DNA2: variants seen among roughly 807,000 people sequenced by gnomAD.
DNA2 encodes the protein DNA replication helicase/nuclease 2.
DNA2 carries 101 observed loss-of-function variants against 119.1 expected under a neutral mutation model. That is an observed-to-expected ratio of 0.85 (90% CI 0.72 to 1.00). DNA2 has a LOEUF of 1.00. Ranked by LOEUF, DNA2 falls within the 50% of genes least tolerant of loss-of-function variation. The probability of loss-of-function intolerance (pLI) is 0.00; values close to 1 mark genes in which losing one functional copy is unlikely to be tolerated. For synonymous variants in DNA2, 366 were observed against 424.4 expected (o/e 0.86, Z 1.69); for missense variants, 1,121 against 1,255.5 (o/e 0.89, Z 1.62).
intron 5 of DNA2, among the ~76,000 whole-genome samples, chr10:68,453,025 C>T (rs533605235): frequency 6.6e-6 from 1 of 151,706 alleles, no homozygotes; most frequent in Non-Finnish European, 1.5e-5. Context: ...TTCAGGCTCC[C>T]GAGTAGCTGG....
At position 68,416,690 on chromosome 10, in the gene DNA2, T is replaced by C. The variant is rs1180096413; in HGVS notation, c.3114+19A>G. The C allele has an allele frequency of 3.1e-6, 5 of 1,603,330 alleles. No individual in the cohort carries two copies. In the African/African-American group the frequency reaches 5.4e-5, roughly 17 times the overall value. On this transcript the variant is annotated intron_variant, in intron 20 of 20. Coordinates refer to ENST00000358410, the MANE Select transcript of DNA2 (RefSeq NM_001080449.3). ...AACAGTGCAATCAAATGTGACCATA[T>C]ACAGAAGAAAAAGGATATTAATTTT...
In DNA2 at chr10:68,442,934, T is replaced by C; in HGVS notation, c.1398A>G (p.Leu466=). ...DNKKNHQNIW[L]MPASEMEKSG... is the part of the protein sequence containing the mutation. ...CCACTTACATTTCCGAAGCAGGCAT[T>C]AGCCAGATATTTTGGTGATTCTTTT... Residue 466 remains leucine (L), a synonymous_variant, in exon 9 of 21, where the codon CTA becomes CTG. Coordinates refer to ENST00000358410, the MANE Select transcript of DNA2 (RefSeq NM_001080449.3). 2 of 1,612,194 alleles carry C rather than the reference T, an allele frequency of 1.2e-6. No individual in the cohort carries two copies. Among genetic ancestry groups the C allele is most frequent in the Non-Finnish European group, 8.5e-7 (1 of 1,179,322 alleles).
At chr10:68,460,564 C>T (rs565872336) in intron 4 of DNA2, among the ~76,000 whole-genome samples, 2 of 151,790 alleles carry the variant, frequency 1.3e-5, no homozygotes, top group African/African-American at 2.4e-5. Context: ...TATGACACCA[C>T]GCCCAGCTAA....
intron 7 of DNA2, among the ~76,000 whole-genome samples, chr10:68,445,310 C>G (rs149419370): frequency 2.1e-3 from 318 of 152,100 alleles, no homozygotes; most frequent in African/African-American, 7.4e-3. Flanking sequence ...ACTAAAAATA[C>G]ATAATTAGCT....
chr10:68,444,759 GT>G (rs1023427890), intron 8 of DNA2, among the ~76,000 whole-genome samples, 161 bp downstream of exon 8: 43 of 148,660 alleles, frequency 2.9e-4, no homozygotes, highest in African/African-American at 1.1e-3. Flanking sequence ...AAGTACTGTG[GT>G]TTTTTTTCTA....
At chr10:68,439,411 A>T (rs1416659681) in intron 9 of DNA2, among the ~76,000 whole-genome samples, 3 of 151,942 alleles carry the variant, frequency 2.0e-5, no homozygotes, top group South Asian at 2.1e-4. Context: ...AGAAAAAAAA[A>T]TTTTTGAGGC....
intron 6 of DNA2, among the ~76,000 whole-genome samples, chr10:68,446,682 G>C (rs1037120635): frequency 8.5e-5 from 13 of 152,148 alleles, no homozygotes; most frequent in African/African-American, 2.9e-4. Context: ...TTTGAGACCA[G>C]CCTGGGCAAT....
intron 9 of DNA2, 95 bp downstream of exon 9, chr10:68,442,822 A>G (rs2051987325): frequency 2.9e-6 from 3 of 1,037,736 alleles, no homozygotes; most frequent in Admixed American, 2.9e-5. Flanking sequence ...TATCTATAAC[A>G]TGCTTCATAA....
rs1225629243 is a variant in DNA2, at chr10:68,425,349, G to A, written c.2209-2459C>T. On this transcript the variant is annotated intron_variant, in intron 14 of 20. Transcript: ENST00000358410. ...GACCTCGTGATCCACCCGCCTCGGT[G>A]TTCCAAAGTGATGGGATTACAGGCA... Among the ~76,000 whole-genome samples, 64 of 149,984 alleles carry A rather than the reference G, an allele frequency of 4.3e-4. 2 individuals are homozygous for A. The highest frequency in any genetic ancestry group is 4.3e-3 in the Admixed American group (64 of 15,038).
At chr10:68,462,181 G>T (rs2052268451) in intron 4 of DNA2, among the ~76,000 whole-genome samples, 1 of 152,096 alleles carries the variant, frequency 6.6e-6, no homozygotes, top group Non-Finnish European at 1.5e-5. Flanking sequence ...GACCAGCCTG[G>T]CCAATATGGT....
At chr10:68,445,184 G>T (rs1357336966) in intron 7 of DNA2, 101 bp from the exon 8 acceptor site, 2 of 1,134,108 alleles carry the variant, frequency 1.8e-6, no homozygotes, top group Non-Finnish European at 2.5e-6. Flanking sequence ...ACATTTTAGG[G>T]CCGGGCACAA....
chr10:68,414,985 G>T lies in DNA2; in HGVS notation c.*54C>A. 9.0e-7 allele frequency: 1 copy of T among 1,112,478 alleles called. No individual in the cohort carries two copies. Among genetic ancestry groups the T allele is most frequent in the Non-Finnish European group, 1.3e-6 (1 of 764,154 alleles). 68.9% of individuals were successfully genotyped at this position (1,112,478 alleles called of 1,614,324 possible). ...TATGGTGATAGAATTTTCTGTATGG[G>T]CACTAGCTAGAGGAGATACTGCCCT... On this transcript the variant is annotated 3_prime_UTR_variant, in exon 21 of 21. Transcript: ENST00000358410.
At chr10:68,430,334 C>G (rs890046962) in intron 14 of DNA2, 102 bp downstream of exon 14, 1 of 790,510 alleles carries the variant, frequency 1.3e-6, no homozygotes, top group Non-Finnish European at 2.0e-6. Flanking sequence ...TAATCATGTG[C>G]AAATCCAGTC....
intron 17 of DNA2, among the ~76,000 whole-genome samples, chr10:68,421,901 G>A (rs2051670560): frequency 6.6e-6 from 1 of 151,552 alleles, no homozygotes; most frequent in Non-Finnish European, 1.5e-5. Context: ...TGTAACCTCC[G>A]CCTCCCGGGC....
intron 12 of DNA2, 67 bp downstream of exon 12, chr10:68,432,139 G>GTCTAT (rs2051830670): frequency 4.9e-6 from 6 of 1,217,152 alleles, no homozygotes; most frequent in Non-Finnish European, 7.0e-6. Context: ...CAAGATATTA[G>GTCTAT]ACTACAGTAT....
Position 68,471,874 on chromosome 10 carries a change from G to C in DNA2, c.-10C>G. 1.9e-6 allele frequency: 3 copies of C among 1,613,934 alleles called. No individual in the cohort carries two copies. Among genetic ancestry groups the C allele is most frequent in the Non-Finnish European group, 2.5e-6 (3 of 1,179,830 alleles). ...CGTTCAGCTGCTCCATCCTGGACGC[G>C]GGGATCGCAAACTGTAGACAGAAAA... On this transcript the variant is annotated 5_prime_UTR_variant, in exon 1 of 21. Transcript: ENST00000358410.
Position 68,437,173 on chromosome 10 carries a change from T to C in DNA2, c.1484A>G (p.Gln495Arg), listed in dbSNP as rs2051900145. Reference protein sequence around the residue: ...MEHVKIVCDGQYLHNFQCKHG... With the variant: ...MEHVKIVCDGRYLHNFQCKHG... ...TTTACATTGGAAATTATGTAAATAT[T>C]GCCCATCACAAACTATCTTTACATG... is the stretch of plus-strand genomic sequence containing the variant. The change falls in exon 10 of 21, where the codon CAA (glutamine) becomes CGA (arginine). Residue 495 changes from glutamine (Q) to arginine (R), a missense_variant. Transcript: ENST00000358410. The C allele has an allele frequency of 6.2e-7, 1 of 1,613,742 alleles. No homozygotes were observed. Among genetic ancestry groups the C allele is most frequent in the Admixed American group, 1.7e-5 (1 of 59,994 alleles).
chr10:68,463,989 TC>T (rs1383000995), intron 4 of DNA2, among the ~76,000 whole-genome samples: 1 of 152,110 alleles, frequency 6.6e-6, no homozygotes, highest in African/African-American at 2.4e-5. Context: ...CTGAAATTCC[TC>T]AAGCCAGAAA....
At chr10:68,446,514 A>G (rs2052042309) in intron 6 of DNA2, 101 bp from the exon 7 acceptor site, 3 of 734,964 alleles carry the variant, frequency 4.1e-6, no homozygotes, top group South Asian at 3.8e-5. Context: ...AAAGATCAAT[A>G]AAGTTATTTC....
Sources: allele counts gnomAD v4.1 joint callset (sites outside exome capture counted in the v4.1 genomes callset), GRCh38; gene constraint gnomAD v4.1.1; transcripts MANE v1.5; gene names NCBI Gene and HGNC (gene_info 2026-07-23, HGNC 2026-07-21).